SLC25A28: variants seen among roughly 807,000 people sequenced by gnomAD.
SLC25A28 encodes mitoferrin-2.
In SLC25A28, 10 loss-of-function variants were observed where a neutral mutation model predicts 31.9. The ratio of observed to expected loss-of-function variants is 0.31; its 90% CI spans 0.19 to 0.53. SLC25A28 has a LOEUF of 0.53. Ranked by LOEUF, SLC25A28 falls within the 20% of genes least tolerant of loss-of-function variation. SLC25A28 has a pLI of 0.95. For missense variants in SLC25A28, 256 were observed against 490.3 expected (o/e 0.52, Z 4.51); for synonymous variants, 208 against 203.6 (o/e 1.02, Z -0.19).
chr10:99,635,813 G>A, the SLC25A28 span, among the ~76,000 whole-genome samples: 1 of 152,148 alleles, frequency 6.6e-6, no homozygotes, highest in African/African-American at 2.4e-5. Flanking sequence ...AACAAGTAGG[G>A]GCAGCTATTC....
chr10:99,627,930 C>G, the SLC25A28 span, among the ~76,000 whole-genome samples: 1 of 152,132 alleles, frequency 6.6e-6, no homozygotes. Context: ...CTCTCTATGT[C>G]CATGAGTTCA....
At chr10:99,615,382 A>G in intron 1 of SLC25A28, 1 of 929,928 alleles carries the variant, frequency 1.1e-6, no homozygotes, top group African/African-American at 1.8e-5. Context: ...AAAAGCTTGA[A>G]CCTTCCTCTT....
At chr10:99,619,014 ACCTCTC>A in intron 1 of SLC25A28, 1 of 985,292 alleles carries the variant, frequency 1.0e-6, no homozygotes, top group Non-Finnish European at 1.2e-6. Flanking sequence ...CCTCTAGTTT[ACCTCTC>A]CCTCAATTCA....
the SLC25A28 span, among the ~76,000 whole-genome samples, chr10:99,650,727 G>A: frequency 6.6e-6 from 1 of 152,032 alleles, no homozygotes; most frequent in Admixed American, 6.5e-5. Flanking sequence ...CCTTGGCTGG[G>A]TTCATGTCTC....
chr10:99,613,573 A>G lies in SLC25A28; in HGVS notation c.520+123T>C, dbSNP rs1174769269. On this transcript the variant is annotated intron_variant, in intron 2 of 3. Transcript: ENST00000370495. The surrounding 1 kb of genome is among the most constrained non-coding windows in gnomAD (Gnocchi z 4.9). ...CATCAGGTTTGGAAGTCCCTCCCTT[A>G]TAATCTGGCCTATCCCAGCCCAAAG... The G allele has an allele frequency of 1.3e-6, 2 of 1,534,738 alleles. No individual in the cohort carries two copies. Among genetic ancestry groups the G allele is most frequent in the South Asian group, 2.4e-5 (2 of 82,418 alleles).
At chr10:99,653,256 A>T in the SLC25A28 span, among the ~76,000 whole-genome samples, 1 of 152,138 alleles carries the variant, frequency 6.6e-6, no homozygotes, top group Non-Finnish European at 1.5e-5. Flanking sequence ...TCTCTTTAGG[A>T]TCACCCTGGG....
the SLC25A28 span, among the ~76,000 whole-genome samples, chr10:99,626,812 T>G: frequency 6.6e-6 from 1 of 152,208 alleles, no homozygotes; most frequent in South Asian, 2.1e-4. Context: ...TAATTCTCAT[T>G]TATTGAGGAA....
chr10:99,646,875 C>A, the SLC25A28 span, among the ~76,000 whole-genome samples: 1 of 152,174 alleles, frequency 6.6e-6, no homozygotes, highest in Non-Finnish European at 1.5e-5. Flanking sequence ...CACTGTATAT[C>A]CATAGGTACC....
chr10:99,622,747 A>G (rs148255280), upstream of SLC25A28: 265 of 976,056 alleles, frequency 2.7e-4, 2 homozygotes, highest in African/African-American at 4.4e-3. Flanking sequence ...CTTCTTGGTC[A>G]TCTTTAATAC....
At chr10:99,639,932 A>T in the SLC25A28 span, among the ~76,000 whole-genome samples, 1 of 152,272 alleles carries the variant, frequency 6.6e-6, no homozygotes, top group Non-Finnish European at 1.5e-5. Context: ...ATGTTAAGGG[A>T]CTGAGAAGGA....
chr10:99,620,106 A>G lies in SLC25A28; in HGVS notation c.230T>C (p.Val77Ala), dbSNP rs750886073. Residue 77 changes from valine to alanine, a missense_variant, in exon 1 of 4, where the codon GTG becomes GCG. Val to Ala is a moderately conservative substitution (Grantham distance 64). Around this residue, in one of 4 missense-constraint regions of SLC25A28, gnomAD observed 41 missense variants for 41.7 expected, o/e 0.98. Coordinates refer to ENST00000370495, the MANE Select transcript of SLC25A28 (RefSeq NM_031212.4). ...CAGGATCCCTGCCACGGCGCCTGCCACCATGTGCGTGGTGACAGTGGCTCC... is the reference window on the plus strand; with the variant it reads ...CAGGATCCCTGCCACGGCGCCTGCCGCCATGTGCGTGGTGACAGTGGCTCC... ...PAGATVTTHM[V>A]AGAVAGILEH... The G allele has an allele frequency of 6.6e-5, 105 of 1,585,210 alleles. No individual in the cohort carries two copies. The Admixed American group carries it at 1.7e-3, about 26-fold the overall frequency.
the SLC25A28 span, among the ~76,000 whole-genome samples, chr10:99,654,166 T>A: frequency 1.3e-5 from 2 of 152,180 alleles, no homozygotes; most frequent in Non-Finnish European, 2.9e-5. Flanking sequence ...TTAGTGAGCT[T>A]GGAAGCTGTT....
At chr10:99,618,981 G>A (rs144920844) in intron 1 of SLC25A28, 39 of 985,382 alleles carry the variant, frequency 4.0e-5, no homozygotes, top group African/African-American at 2.1e-4. Flanking sequence ...AGGAGGCATC[G>A]GTCTTTGTCA....
the SLC25A28 span, among the ~76,000 whole-genome samples, chr10:99,641,662 T>A: frequency 6.6e-6 from 1 of 152,192 alleles, no homozygotes; most frequent in East Asian, 1.9e-4. Context: ...TCCTGAATGG[T>A]ATGCCTAGGT....
chr10:99,614,191 GAT>G (rs2034596284), intron 1 of SLC25A28, among the ~76,000 whole-genome samples: 1 of 152,140 alleles, frequency 6.6e-6, no homozygotes, highest in Admixed American at 6.5e-5. Context: ...ACTCCAAAAT[GAT>G]TCAGAGCCCC....
intron 1 of SLC25A28, chr10:99,616,193 A>G (rs1180834853): frequency 1.0e-6 from 1 of 985,278 alleles, no homozygotes; most frequent in African/African-American, 1.7e-5. Flanking sequence ...CAAACAACCC[A>G]GTAGAGAGGT....
At chr10:99,654,612 C>T in the SLC25A28 span, among the ~76,000 whole-genome samples, 4 of 152,066 alleles carry the variant, frequency 2.6e-5, no homozygotes, top group Non-Finnish European at 5.9e-5. Context: ...GCCGAGATTG[C>T]ACCACCACAC....
the SLC25A28 span, among the ~76,000 whole-genome samples, chr10:99,655,874 G>A: frequency 6.6e-6 from 1 of 152,140 alleles, no homozygotes; most frequent in East Asian, 1.9e-4. Flanking sequence ...TATTCAGTGT[G>A]GTTACTTGTC....
the SLC25A28 span, among the ~76,000 whole-genome samples, chr10:99,645,087 T>C: frequency 7.2e-5 from 11 of 152,152 alleles, no homozygotes; most frequent in African/African-American, 2.4e-4. Context: ...TTTCCTGAAT[T>C]TGAATGTTGG....
Sources: allele counts gnomAD v4.1 joint callset (sites outside exome capture counted in the v4.1 genomes callset), GRCh38; gene constraint gnomAD v4.1.1; regional missense constraint gnomAD v4.1.1; non-coding constraint Gnocchi (gnomAD v3.1); transcripts MANE v1.5; gene names NCBI Gene and HGNC (gene_info 2026-07-23, HGNC 2026-07-21).